Variants in GHRL observed in about 807,000 individuals in gnomAD.
GHRL encodes the protein ghrelin and obestatin prepropeptide.
In GHRL, 24 loss-of-function variants were observed where a neutral mutation model predicts 16.9. The ratio of observed to expected loss-of-function variants is 1.42; its 90% CI spans 1.03 to 2.00. The LOEUF (loss-of-function observed/expected upper bound fraction) is 2.00. Among genes scored for constraint, GHRL ranks in the 30% most tolerant of loss-of-function variants. The pLI is 0.00. For synonymous variants in GHRL, 63 were observed against 58.2 expected, an observed-to-expected ratio of 1.08 and a Z score of -0.37; for missense variants, 193 against 142.1, an observed-to-expected ratio of 1.36 and a Z score of -1.82.
At position 10,292,945 on chromosome 3, in the gene GHRL, A is replaced by C. The variant is rs1700198996; in HGVS notation, c.-869T>G. ...TGCAAAGCTGTGTTATCTTTGGGGA[A>C]CTGAAATGTCCCCTGGGAGTTGGAA... is the stretch of plus-strand genomic sequence containing the variant. On this transcript the variant is annotated 5_prime_UTR_variant, in exon 1 of 6. Coordinates refer to ENST00000335542, the MANE Select transcript of GHRL (RefSeq NM_016362.5). 1 of 1,421,952 alleles carries C rather than the reference A, an allele frequency of 7.0e-7. No individual in the cohort carries two copies. Among genetic ancestry groups the C allele is most frequent in the Non-Finnish European group, 9.6e-7 (1 of 1,040,690 alleles). The allele number at this position is 1,421,952 out of a possible 1,614,324, so 88.1% of individuals were successfully genotyped here.
chr3:10,292,285 A>G (rs1700115417), intron 1 of GHRL: 1 of 153,086 alleles, frequency 6.5e-6, no homozygotes, highest in Non-Finnish European at 1.5e-5. Flanking sequence ...GCTCTTTCTG[A>G]TATGCCATCT....
chr3:10,291,584 C>T (rs1346668267), intron 1 of GHRL, 133 bp from the exon 2 acceptor site: 1 of 466,210 alleles, frequency 2.1e-6, no homozygotes, highest in Non-Finnish European at 2.8e-6. Context: ...AAAGTGGCTT[C>T]TAACCTGTGA....
rs771038126 is a variant in GHRL at position 10,289,837 on chromosome 3, G to T, written c.150C>A (p.Pro50=). The T allele has an allele frequency of 1.2e-6, 2 of 1,613,748 alleles. No individual in the cohort carries two copies. The highest frequency in any genetic ancestry group is 1.7e-6 in the Non-Finnish European group (2 of 1,179,928). ...GGCGGAGCCAGCCTGCTAGAGCTCG[G>T]GGCTGCAGCTTGGCTGGTGGCTTCT... ...ESKKPPAKLQ[P]RALAGWLRPE... is the part of the protein sequence containing the mutation. The change falls in exon 4 of 6, where the codon CCC becomes CCA. Residue 50 remains proline (P), a synonymous_variant. Transcript: ENST00000335542.
chr3:10,285,675 GTAT>G lies in GHRL; in HGVS notation c.*197_*199del. ...CATAAACCAAGAATTATTTTTATTT[GTAT>G]TATTTTGATTTTTTTAAAGTAAAAT... On this transcript the variant is annotated 3_prime_UTR_variant, in exon 6 of 6. Coordinates refer to ENST00000335542, the MANE Select transcript of GHRL (RefSeq NM_016362.5). 1 of 532,870 alleles carries G rather than the reference GTAT, an allele frequency of 1.9e-6. No homozygotes were observed. Among genetic ancestry groups the G allele is most frequent in the East Asian group, 3.2e-5 (1 of 31,176 alleles). The allele number at this position is 532,870 out of a possible 1,614,324, so 33.0% of individuals were successfully genotyped here. A position where few individuals can be genotyped will look rare whatever the true frequency, so the allele number is the denominator to read the frequency against.
intron 4 of GHRL, chr3:10,287,191 T>G (rs1699209884): frequency 5.7e-6 from 1 of 175,426 alleles, no homozygotes; most frequent in African/African-American, 2.4e-5. Context: ...TGCCCAGCAT[T>G]CTCAGCACTG....
rs999005536 is a variant in GHRL, at chr3:10,290,536, C to G, written c.-30+180G>C. 3.9e-5 allele frequency among the ~76,000 whole-genome samples: 6 copies of G among 152,282 alleles called. No individual in the cohort carries two copies. The East Asian group carries it at 5.8e-4, about 15-fold the overall frequency. ...AGCTGAACCAGCAAGGGCCCCAGGG[C>G]ACTCAGCAGGGAGGGGGTTAGAGGT... On this transcript the variant is annotated intron_variant, in intron 2 of 5. Transcript: ENST00000335542.
chr3:10,289,187 C>G (rs1576061516), intron 4 of GHRL, among the ~76,000 whole-genome samples: 1 of 152,222 alleles, frequency 6.6e-6, no homozygotes, highest in East Asian at 1.9e-4. Context: ...TCCTTTACTC[C>G]CTCCTCCTCT....
At chr3:10,289,951 G>C (rs1376587850) in intron 3 of GHRL, 73 bp from the exon 4 acceptor site, 2 of 1,489,712 alleles carry the variant, frequency 1.3e-6, no homozygotes, top group East Asian at 4.5e-5. Flanking sequence ...GTCAGACCCA[G>C]AGTCCTTTGT....
intron 4 of GHRL, among the ~76,000 whole-genome samples, chr3:10,289,034 C>T (rs1208876469): frequency 1.3e-5 from 2 of 152,178 alleles, no homozygotes; most frequent in Non-Finnish European, 2.9e-5. Flanking sequence ...TCCTCGGGCA[C>T]AGCGTCTAAT....
intron 1 of GHRL, 148 bp downstream of exon 1, chr3:10,292,694 T>G (rs1399637982): frequency 3.3e-6 from 2 of 607,536 alleles, no homozygotes; most frequent in Non-Finnish European, 5.8e-6. Context: ...AGAGGCTGAA[T>G]GTGGAGAGGG....
chr3:10,286,844 T>C (rs756860899), intron 4 of GHRL, 32 bp from the exon 5 acceptor site: 1 of 1,292,112 alleles, frequency 7.7e-7, no homozygotes, highest in South Asian at 1.2e-5. Context: ...ACCCAGGAGA[T>C]GTCAGAGGTC....
At chr3:10,286,420 A>G (rs1699074984) in intron 5 of GHRL, among the ~76,000 whole-genome samples, 1 of 152,218 alleles carries the variant, frequency 6.6e-6, no homozygotes, top group African/African-American at 2.4e-5. Flanking sequence ...CACAATAGGT[A>G]AAATAGCTCC....
intron 2 of GHRL, chr3:10,290,415 T>A (rs376547309): frequency 3.4e-5 from 18 of 536,884 alleles, no homozygotes; most frequent in African/African-American, 5.7e-5. Context: ...GCAGAACACC[T>A]GGCAGCAGGA....
rs26311 is a variant in GHRL at position 10,291,242 on chromosome 3, C to G, written c.-556G>C. 0.12 allele frequency: 122,682 copies of G among 985,314 alleles called. 8,607 individuals are homozygous for G. The highest frequency in any genetic ancestry group is 0.41 in the East Asian group (3,611 of 8,796). The allele number at this position is 985,314 out of a possible 1,614,324, so 61.0% of individuals were successfully genotyped here. A position where few individuals can be genotyped will look rare whatever the true frequency, so the allele number is the denominator to read the frequency against. ...ACCTTCCCGAGGAGGAGTCCCACCT[C>G]CCGGTTGAGCAGACTGCTCCTGATC... is the stretch of plus-strand genomic sequence containing the variant. On this transcript the variant is annotated 5_prime_UTR_variant, in exon 2 of 6. Transcript: ENST00000335542.
At chr3:10,286,448 G>A (rs566475474) in intron 5 of GHRL, among the ~76,000 whole-genome samples, 2 of 152,364 alleles carry the variant, frequency 1.3e-5, no homozygotes, top group African/African-American at 4.8e-5. Context: ...AGTTAAGGAA[G>A]CTGAGGTTCA....
chr3:10,292,756 C>G (rs1487891148), intron 1 of GHRL, 86 bp downstream of exon 1: 1 of 782,782 alleles, frequency 1.3e-6, no homozygotes, highest in African/African-American at 1.8e-5. Flanking sequence ...TTCAGAGCCA[C>G]CAACCCATAA....
Position 10,291,278 on chromosome 3 carries a change from G to A in GHRL, c.-592C>T, listed in dbSNP as rs1306624422. ...AGACTGCTCCTGATCATCCTCTCCA[G>A]AGAGTGGGTGTGGGGATAACTTCAG... On this transcript the variant is annotated 5_prime_UTR_variant, in exon 2 of 6. Transcript: ENST00000335542. 3 of 985,384 alleles carry A rather than the reference G, an allele frequency of 3.0e-6. No individual in the cohort carries two copies. Among genetic ancestry groups the A allele is most frequent in the Non-Finnish European group, 3.6e-6 (3 of 829,954 alleles). 61.0% of individuals were successfully genotyped at this position (985,384 alleles called of 1,614,324 possible).
Position 10,286,769 on chromosome 3 carries a change from T to A in GHRL, c.269A>T (p.Gln90Leu), listed in dbSNP as rs4684677. 112,311 of 1,612,592 alleles carry A rather than the reference T, an allele frequency of 0.07. 6,949 individuals carry two copies. Among genetic ancestry groups the A allele is most frequent in the Admixed American group, 0.32 (19,028 of 59,968 alleles). ...FDVGIKLSGV[Q>L]YQQHSQALGK... ...CAGGGCCTGGCTGTGCTGCTGGTAC[T>A]GAACCCCTGACAGCTTGATTCCAAC... The change falls in exon 5 of 6, where the codon CAG becomes CTG. Residue 90 changes from glutamine (Q) to leucine (L), a missense_variant. Physicochemically the swap from Gln to Leu is moderately radical, Grantham distance 113. Transcript: ENST00000335542.
At chr3:10,289,734 A>G in intron 4 of GHRL, 28 bp downstream of exon 4, 1 of 1,390,460 alleles carries the variant, frequency 7.2e-7, no homozygotes, top group African/African-American at 1.4e-5. Flanking sequence ...TCGCTGCCAC[A>G]GAAGCATAAA....
Sources: allele counts gnomAD v4.1 joint callset (sites outside exome capture counted in the v4.1 genomes callset), GRCh38; gene constraint gnomAD v4.1.1; transcripts MANE v1.5; gene names NCBI Gene and HGNC (gene_info 2026-07-23, HGNC 2026-07-21).